Variants in KIRREL3 observed in about 807,000 individuals in gnomAD.
The protein encoded by KIRREL3 is kin of IRRE-like protein 3.
A neutral mutation model predicts 89.7 loss-of-function variants in KIRREL3; 36 were observed. The ratio of observed to expected loss-of-function variants is 0.40; its 90% CI spans 0.31 to 0.53. The LOEUF is 0.53. Among genes scored for constraint, KIRREL3 ranks in the 20% least tolerant of loss-of-function variants. KIRREL3 has a pLI of 0.49. For synonymous variants in KIRREL3, 445 were observed against 441.4 expected, an observed-to-expected ratio of 1.01 and a Z score of -0.10; for missense variants, 864 against 1,056.6, an observed-to-expected ratio of 0.82 and a Z score of 2.53.
chr11:126,787,285 A>T (rs1185860687), intron 1 of KIRREL3, among the ~76,000 whole-genome samples: 1 of 152,188 alleles, frequency 6.6e-6, no homozygotes, highest in Non-Finnish European at 1.5e-5. Context: ...CCAGAAAAAG[A>T]CAGCCTGCTT....
At chr11:126,856,577 A>G (rs903376832) in intron 1 of KIRREL3, among the ~76,000 whole-genome samples, 4 of 14,608 alleles carry the variant, frequency 2.7e-4, no homozygotes, top group East Asian at 0.056. Context: ...ATATATATAT[A>G]TATATATATA....
chr11:126,913,476 G>A (rs576671761), intron 1 of KIRREL3, among the ~76,000 whole-genome samples: 1 of 152,302 alleles, frequency 6.6e-6, no homozygotes, highest in South Asian at 2.1e-4. Flanking sequence ...TTCTCCGACT[G>A]ACTGTAAACG....
intron 1 of KIRREL3, among the ~76,000 whole-genome samples, chr11:126,916,844 T>A (rs560980437): frequency 1.3e-5 from 2 of 152,344 alleles, no homozygotes; most frequent in South Asian, 2.1e-4. Context: ...AGAAGGGTGA[T>A]GTGCCTAGTC....
At chr11:126,447,460 C>T (rs375802446) in intron 8 of KIRREL3, among the ~76,000 whole-genome samples, 126 of 152,328 alleles carry the variant, frequency 8.3e-4, no homozygotes, top group Non-Finnish European at 1.4e-3. Flanking sequence ...TCGTGACCCA[C>T]GCCTCCTCCC....
intron 6 of KIRREL3, among the ~76,000 whole-genome samples, chr11:126,457,385 G>C (rs1370354567): frequency 1.3e-5 from 2 of 151,292 alleles, no homozygotes; most frequent in African/African-American, 2.4e-5. Context: ...ATGTGTGTAT[G>C]CGTGTGTGTG....
chr11:126,749,306 C>G (rs989142503), intron 1 of KIRREL3, among the ~76,000 whole-genome samples: 1 of 152,190 alleles, frequency 6.6e-6, no homozygotes, highest in Non-Finnish European at 1.5e-5. Flanking sequence ...TCTCCCGATA[C>G]GACTTATCTG....
At position 126,805,805 on chromosome 11, in the gene KIRREL3, G is replaced by A. The variant is rs1490218565; in HGVS notation, c.55+194650C>T. On this transcript the variant is annotated intron_variant, in intron 1 of 16. Coordinates refer to ENST00000525144, the MANE Select transcript of KIRREL3 (RefSeq NM_032531.4). This position sits in a 1 kb window ranked among gnomAD's most constrained non-coding sequence, Gnocchi z 4.3. ...ATTCTTGATAGTCTCTGTCTTTCAC[G>A]GTTTTCCTGCTCAGCTTATTCATCC... is the stretch of plus-strand genomic sequence containing the variant. Among the ~76,000 whole-genome samples, 2 of 152,096 alleles carry A rather than the reference G, an allele frequency of 1.3e-5. No individual in the cohort carries two copies. The highest frequency in any genetic ancestry group is 1.5e-5 in the Non-Finnish European group (1 of 68,030).
chr11:126,616,377 C>T (rs1377923374), intron 1 of KIRREL3, among the ~76,000 whole-genome samples: 1 of 152,052 alleles, frequency 6.6e-6, no homozygotes, highest in Non-Finnish European at 1.5e-5. Flanking sequence ...AAACACAGCC[C>T]AAATCAAGTC....
chr11:126,756,006 A>G (rs1257036461), intron 1 of KIRREL3, among the ~76,000 whole-genome samples: 1 of 152,178 alleles, frequency 6.6e-6, no homozygotes, highest in East Asian at 1.9e-4. Context: ...TTGACTAGCA[A>G]TGGAATGGGA....
At chr11:126,921,096 C>T (rs992330579) in intron 1 of KIRREL3, among the ~76,000 whole-genome samples, 1 of 152,186 alleles carries the variant, frequency 6.6e-6, no homozygotes, top group East Asian at 1.9e-4. Flanking sequence ...GGGAAGGGCA[C>T]ATTCTCTCTC....
rs75819393 is a variant in KIRREL3 at position 126,537,694 on chromosome 11, G to A, written c.134-11007C>T. On this transcript the variant is annotated intron_variant, in intron 2 of 16. Coordinates refer to ENST00000525144, the MANE Select transcript of KIRREL3 (RefSeq NM_032531.4). The surrounding 1 kb of genome is among the most constrained non-coding windows in gnomAD (Gnocchi z 4.3). ...CTGAGGCCAGTGACTCACCCTTTCT[G>A]AGCTTCAGTTTCCCTATCTGAAAAA... Among the ~76,000 whole-genome samples, 142 of 152,306 alleles carry A rather than the reference G, an allele frequency of 9.3e-4. No homozygotes were observed. Among genetic ancestry groups the A allele is most frequent in the Non-Finnish European group, 1.5e-3 (104 of 68,026 alleles).
chr11:126,516,265 C>G lies in KIRREL3; in HGVS notation c.433+5050G>C, dbSNP rs1242653746. ...TTTATTTCTAACGGGAGCCACAAGACAGCAGAGTTAATATTAGAACGGGCC... is the reference window on the plus strand; with the variant it reads ...TTTATTTCTAACGGGAGCCACAAGAGAGCAGAGTTAATATTAGAACGGGCC... On this transcript the variant is annotated intron_variant, in intron 4 of 16. Transcript: ENST00000525144. This position sits in a 1 kb window ranked among gnomAD's most constrained non-coding sequence, Gnocchi z 4.9. Among the ~76,000 whole-genome samples the G allele has an allele frequency of 1.3e-5, 2 of 152,114 alleles. No homozygotes were observed. The highest frequency in any genetic ancestry group is 2.9e-5 in the Non-Finnish European group (2 of 68,028).
Position 126,987,495 on chromosome 11 carries a change from G to C in KIRREL3, c.55+12960C>G, listed in dbSNP as rs1949899876. On this transcript the variant is annotated intron_variant, in intron 1 of 16. Transcript: ENST00000525144. This position sits in a 1 kb window ranked among gnomAD's most constrained non-coding sequence, Gnocchi z 4.6. ...TTTCTGGTTGGTATGTCTTGATTCT[G>C]ACCAGTTCCAGTATTCAGCTGTTTT... Among the ~76,000 whole-genome samples the C allele has an allele frequency of 6.6e-6, 1 of 152,184 alleles. No individual in the cohort carries two copies.
chr11:126,984,526 C>A (rs183464527), intron 1 of KIRREL3, among the ~76,000 whole-genome samples: 1 of 152,318 alleles, frequency 6.6e-6, no homozygotes, highest in African/African-American at 2.4e-5. Context: ...AGCTTCCAGG[C>A]CATTCTCACT....
chr11:126,838,463 G>T (rs1277061232), intron 1 of KIRREL3, among the ~76,000 whole-genome samples: 1 of 152,168 alleles, frequency 6.6e-6, no homozygotes, highest in African/African-American at 2.4e-5. Flanking sequence ...ATTAAATTTT[G>T]CCAACTCTGG....
intron 1 of KIRREL3, among the ~76,000 whole-genome samples, chr11:126,654,915 G>A (rs1042514159): frequency 2.0e-5 from 3 of 152,158 alleles, no homozygotes; most frequent in African/African-American, 7.2e-5. Context: ...AGTCTGCAGA[G>A]GACCATTCAT....
Position 126,486,229 on chromosome 11 carries a change from C to A in KIRREL3, c.434-12763G>T, listed in dbSNP as rs2134322238. ...CCAGATGACAGAGGGTGCTACGTGG[C>A]CGCCGTCTGCACAGCAAGGGTGAGA... On this transcript the variant is annotated intron_variant, in intron 4 of 16. Coordinates refer to ENST00000525144, the MANE Select transcript of KIRREL3 (RefSeq NM_032531.4). The surrounding 1 kb of genome is among the most constrained non-coding windows in gnomAD (Gnocchi z 6.2). Among the ~76,000 whole-genome samples, 1 of 152,210 alleles carries A rather than the reference C, an allele frequency of 6.6e-6. No homozygotes were observed. Among genetic ancestry groups the A allele is most frequent in the Middle Eastern group, 3.4e-3 (1 of 294 alleles).
Position 126,955,327 on chromosome 11 carries a change from C to G in KIRREL3, c.55+45128G>C, listed in dbSNP as rs754151440. 1.3e-5 allele frequency among the ~76,000 whole-genome samples: 2 copies of G among 152,238 alleles called. No homozygotes were observed. The highest frequency in any genetic ancestry group is 2.9e-5 in the Non-Finnish European group (2 of 68,040). ...TTAATCCTTGTTCTGGAGATACTTA[C>G]AGCTGCCCGTGGTTTTTAATTAATA... On this transcript the variant is annotated intron_variant, in intron 1 of 16. Transcript: ENST00000525144. This position sits in a 1 kb window ranked among gnomAD's most constrained non-coding sequence, Gnocchi z 4.6.
intron 1 of KIRREL3, among the ~76,000 whole-genome samples, chr11:126,975,551 G>C (rs950490260): frequency 3.9e-5 from 6 of 152,152 alleles, no homozygotes; most frequent in African/African-American, 1.4e-4. Context: ...TTGTTGATTA[G>C]AATTCTGCTC....
Sources: allele counts gnomAD v4.1 joint callset (sites outside exome capture counted in the v4.1 genomes callset), GRCh38; gene constraint gnomAD v4.1.1; non-coding constraint Gnocchi (gnomAD v3.1); transcripts MANE v1.5; gene names NCBI Gene and HGNC (gene_info 2026-07-23, HGNC 2026-07-21).